The following VPS53 variants were observed in gnomAD, a reference collection of about 807,000 sequenced individuals.
VPS53 encodes the protein VPS53 subunit of GARP complex.
In VPS53, 70 loss-of-function variants were observed where a neutral mutation model predicts 107.0. The ratio of observed to expected loss-of-function variants is 0.65; its 90% CI spans 0.54 to 0.80. The LOEUF is 0.80. VPS53 is among the 30% of genes least tolerant of loss of function. The pLI is 0.00. For synonymous variants in VPS53, 409 were observed against 393.3 expected, an observed-to-expected ratio of 1.04 and a Z score of -0.47; for missense variants, 917 against 1,049.4, an observed-to-expected ratio of 0.87 and a Z score of 1.74.
intron 4 of VPS53, chr17:674,853 G>A (rs986679178): frequency 1.6e-4 from 24 of 152,230 alleles, no homozygotes; most frequent in African/African-American, 5.5e-4. Context: ...TTTTGGGCAC[G>A]TCACAGAACT....
chr17:572,417 G>A (rs1225621012), intron 13 of VPS53, among the ~76,000 whole-genome samples: 5 of 149,498 alleles, frequency 3.3e-5, no homozygotes, highest in East Asian at 2.0e-4. Context: ...GAGGTGGGGG[G>A]GTCAGCCCCC....
Position 713,201 on chromosome 17 carries a change from CAAA to C in VPS53, c.87+1419_87+1421del, listed in dbSNP as rs531213540. On this transcript the variant is annotated intron_variant, in intron 1 of 21. Transcript: ENST00000437048. ...TGGACAACAGAGCAAGACCCTATCT[CAAA>C]AAAAAAAAGTTTCCCAGGGGTCATT... 1.0e-3 allele frequency among the ~76,000 whole-genome samples: 150 copies of C among 143,928 alleles called. 1 individual carries two copies. The highest frequency in any genetic ancestry group is 3.6e-3 in the African/African-American group (140 of 39,352). 94.4% of individuals were successfully genotyped at this position (143,928 alleles called of 152,430 possible).
At chr17:611,630 A>G (rs1013325171) in intron 11 of VPS53, among the ~76,000 whole-genome samples, 9 of 152,258 alleles carry the variant, frequency 5.9e-5, no homozygotes, top group Non-Finnish European at 2.9e-5. Context: ...AACCTGTACA[A>G]ATATTCACAG....
chr17:628,022 C>T (rs1285784980), intron 9 of VPS53, 66 bp downstream of exon 9: 4 of 1,501,802 alleles, frequency 2.7e-6, no homozygotes, highest in Non-Finnish European at 3.6e-6. Context: ...AATTAGTAGG[C>T]TTGACAGCAC....
At chr17:574,349 T>A (rs1418726906) in intron 13 of VPS53, among the ~76,000 whole-genome samples, 1 of 152,170 alleles carries the variant, frequency 6.6e-6, no homozygotes, top group Non-Finnish European at 1.5e-5. Context: ...ATGAGTATAC[T>A]TTGTATAAAT....
At chr17:597,058 C>T (rs1968009072) in intron 12 of VPS53, among the ~76,000 whole-genome samples, 1 of 152,168 alleles carries the variant, frequency 6.6e-6, no homozygotes, top group Non-Finnish European at 1.5e-5. Context: ...CCTCAGGCTC[C>T]TTTCAGATGT....
At chr17:676,619 T>C (rs192874988) in intron 4 of VPS53, among the ~76,000 whole-genome samples, 6 of 152,322 alleles carry the variant, frequency 3.9e-5, no homozygotes, top group African/African-American at 9.6e-5. Flanking sequence ...TCTTGGCTCC[T>C]GAAGACTGCC....
intron 19 of VPS53, among the ~76,000 whole-genome samples, 165 bp from the exon 20 acceptor site, chr17:521,903 C>T (rs1338309946): frequency 6.6e-6 from 1 of 152,028 alleles, no homozygotes; most frequent in Non-Finnish European, 1.5e-5. Flanking sequence ...ATGTATAATT[C>T]CCATCACCTA....
At chr17:654,124 G>A (rs1265187814) in intron 6 of VPS53, among the ~76,000 whole-genome samples, 1 of 152,206 alleles carries the variant, frequency 6.6e-6, no homozygotes, top group African/African-American at 2.4e-5. Flanking sequence ...GAACCTGGGA[G>A]GCGGAGGTTT....
chr17:529,512 C>T (rs908475452), intron 19 of VPS53, among the ~76,000 whole-genome samples: 5 of 151,854 alleles, frequency 3.3e-5, no homozygotes, highest in African/African-American at 1.2e-4. Context: ...GAATAATTTG[C>T]CGCTTTTTAA....
intron 11 of VPS53, among the ~76,000 whole-genome samples, chr17:602,857 T>C (rs991684196): frequency 6.6e-6 from 1 of 152,142 alleles, no homozygotes; most frequent in Non-Finnish European, 1.5e-5. Context: ...GCCTGGGAGC[T>C]GAAGGCTTTA....
chr17:610,593 A>C (rs980657212), intron 11 of VPS53, among the ~76,000 whole-genome samples: 1 of 152,058 alleles, frequency 6.6e-6, no homozygotes, highest in Non-Finnish European at 1.5e-5. Context: ...TTGGCAAATC[A>C]TATGTCTGAT....
intron 13 of VPS53, among the ~76,000 whole-genome samples, chr17:576,680 C>T (rs1914641284): frequency 6.6e-6 from 1 of 151,574 alleles, no homozygotes; most frequent in South Asian, 2.1e-4. Flanking sequence ...TTCTTCAGAA[C>T]CTAATGCATT....
chr17:658,191 A>C (rs374065236), intron 5 of VPS53, among the ~76,000 whole-genome samples: 2 of 112,524 alleles, frequency 1.8e-5, no homozygotes, highest in Non-Finnish European at 4.0e-5. Flanking sequence ...GAAACTCAGC[A>C]GGGAGTTCGT....
At chr17:581,590 A>G (rs185836654) in intron 13 of VPS53, among the ~76,000 whole-genome samples, 1 of 151,042 alleles carries the variant, frequency 6.6e-6, no homozygotes, top group East Asian at 2.0e-4. Context: ...GCATTCCCAG[A>G]GAACTTCCCT....
intron 15 of VPS53, among the ~76,000 whole-genome samples, chr17:555,468 A>G (rs1445784164): frequency 1.3e-5 from 2 of 152,090 alleles, no homozygotes; most frequent in Non-Finnish European, 2.9e-5. Context: ...AAGTGCTGGG[A>G]TTACAGACGT....
intron 2 of VPS53, among the ~76,000 whole-genome samples, chr17:708,567 G>A (rs910496266): frequency 3.3e-5 from 5 of 152,156 alleles, no homozygotes; most frequent in Non-Finnish European, 7.4e-5. Context: ...GGGCAGGCCT[G>A]GGGAATGTCA....
chr17:542,141 C>T (rs1910747218), intron 17 of VPS53, among the ~76,000 whole-genome samples: 1 of 152,188 alleles, frequency 6.6e-6, no homozygotes, highest in African/African-American at 2.4e-5. Flanking sequence ...GCACCTACCA[C>T]GTAACAGGTG....
chr17:584,007 C>T (rs1967189103), intron 13 of VPS53, among the ~76,000 whole-genome samples: 1 of 152,182 alleles, frequency 6.6e-6, no homozygotes, highest in African/African-American at 2.4e-5. Flanking sequence ...CTAATATGTT[C>T]CCAGATAACT....
Sources: allele counts gnomAD v4.1 joint callset (sites outside exome capture counted in the v4.1 genomes callset), GRCh38; gene constraint gnomAD v4.1.1; transcripts MANE v1.5; gene names NCBI Gene and HGNC (gene_info 2026-07-23, HGNC 2026-07-21).